Variants in MICALL1 observed in about 807,000 individuals in gnomAD.
MICALL1 encodes the protein MICAL-like protein 1.
MICALL1 carries 61 observed loss-of-function variants against 83.7 expected under a neutral mutation model. The ratio of observed to expected loss-of-function variants is 0.73; its 90% CI spans 0.59 to 0.90. The LOEUF (loss-of-function observed/expected upper bound fraction) is 0.90, where lower values mean the gene tolerates loss of function less well. Ranked by LOEUF, MICALL1 falls within the 40% of genes least tolerant of loss-of-function variation. The probability of loss-of-function intolerance (pLI) is 0.00; values close to 1 mark genes in which losing one functional copy is unlikely to be tolerated. For missense variants in MICALL1, 1,066 were observed against 1,152.0 expected (o/e 0.93, Z 1.08); for synonymous variants, 481 against 473.6 (o/e 1.02, Z -0.20).
At position 37,925,670 on chromosome 22, in the gene MICALL1, C is replaced by T. The variant is rs755697848; in HGVS notation, c.1092C>T (p.Ala364=). ...GTPKPSEGTP[A]PRKDPPWITL... ...TTCCCCCCTCCTCCAGGACACCAGC[C>T]CCCAGGAAGGACCCCCCATGGATCA... The change falls in exon 8 of 16, where the codon GCC becomes GCT. Residue 364 remains alanine (A), a synonymous_variant. Transcript: ENST00000215957. 2 of 1,605,382 alleles carry T rather than the reference C, an allele frequency of 1.2e-6. No individual in the cohort carries two copies. The highest frequency in any genetic ancestry group is 2.2e-5 in the South Asian group (2 of 90,430).
chr22:37,927,894 A>G lies in MICALL1; in HGVS notation c.1881+68A>G, dbSNP rs933819252. 26 of 1,476,422 alleles carry G rather than the reference A, an allele frequency of 1.8e-5. No individual in the cohort carries two copies. In the African/African-American group the frequency reaches 3.5e-4, roughly 20 times the overall value. 91.5% of individuals were successfully genotyped at this position (1,476,422 alleles called of 1,614,324 possible). A position where few individuals can be genotyped will look rare whatever the true frequency, so the allele number is the denominator to read the frequency against. ...GTGGATGCGGGTCTGGTCTCAGGGC[A>G]GAAATGTCCAGGGCCTTTTCTTAAT... On this transcript the variant is annotated intron_variant, in intron 9 of 15. Transcript: ENST00000215957.
At chr22:37,933,215 G>T in intron 13 of MICALL1, 103 bp downstream of exon 13, 1 of 1,207,070 alleles carries the variant, frequency 8.3e-7, no homozygotes, top group South Asian at 1.3e-5. Context: ...TGCACAGGCA[G>T]ACTGGGGACA....
At chr22:37,929,497 T>C (rs1929672372) in intron 9 of MICALL1, among the ~76,000 whole-genome samples, 2 of 152,182 alleles carry the variant, frequency 1.3e-5, no homozygotes, top group Non-Finnish European at 2.9e-5. Flanking sequence ...TTGTGTGCCA[T>C]GAGGGGTGTT....
chr22:37,930,832 G>A lies in MICALL1; in HGVS notation c.1882-967G>A, dbSNP rs1929748722. On this transcript the variant is annotated intron_variant, in intron 9 of 15. Transcript: ENST00000215957. The surrounding 1 kb of genome is among the most constrained non-coding windows in gnomAD (Gnocchi z 4.8). ...AGGTACCCTCTGACTCCATCTGCTG[G>A]TCAAACACTTCCTGGCTGGGTGACC... is the stretch of plus-strand genomic sequence containing the variant. Among the ~76,000 whole-genome samples the A allele has an allele frequency of 6.6e-6, 1 of 152,234 alleles. No homozygotes were observed. The highest frequency in any genetic ancestry group is 2.4e-5 in the African/African-American group (1 of 41,460).
chr22:37,907,552 C>G (rs1207151739), intron 1 of MICALL1: 3 of 152,286 alleles, frequency 2.0e-5, no homozygotes, highest in Non-Finnish European at 2.9e-5. Context: ...CTGGTCCCTA[C>G]CCCTTTCGCA....
chr22:37,909,703 G>A (rs189193160), intron 1 of MICALL1, among the ~76,000 whole-genome samples: 1 of 152,352 alleles, frequency 6.6e-6, no homozygotes, highest in African/African-American at 2.4e-5. Flanking sequence ...TGGAAAAAAT[G>A]TGCAGGGGAG....
At chr22:37,929,392 G>A (rs1186590916) in intron 9 of MICALL1, among the ~76,000 whole-genome samples, 2 of 152,192 alleles carry the variant, frequency 1.3e-5, no homozygotes, top group African/African-American at 4.8e-5. Context: ...GTGCTATAAT[G>A]TACATGCTGC....
In MICALL1 at chr22:37,940,784, GAAAC is replaced by G. The variant is rs1569152530; in HGVS notation, c.2551_2554del (p.Lys851ValfsTer50). ...ACCATGAAGATGTTGAAACTGCTAG[GAAAC>G]AAACGTGATGCCAAGAGCAAGTCCC... On this transcript the variant is annotated frameshift_variant, in exon 16 of 16. Transcript: ENST00000215957. LOFTEE classifies it high-confidence loss of function. 6.2e-7 allele frequency: 1 copy of G among 1,614,146 alleles called. No homozygotes were observed. The highest frequency in any genetic ancestry group is 8.5e-7 in the Non-Finnish European group (1 of 1,179,998).
At position 37,933,123 on chromosome 22, in the gene MICALL1, C is replaced by T; in HGVS notation, c.2308+11C>T. The T allele has an allele frequency of 6.2e-7, 1 of 1,612,960 alleles. No individual in the cohort carries two copies. Among genetic ancestry groups the T allele is most frequent in the Non-Finnish European group, 8.5e-7 (1 of 1,179,490 alleles). ...TCCTCAATAAGCCAGGTGAGTGCAG[C>T]CACTGGCACTCCCCTGGCACCTGCC... is the stretch of plus-strand genomic sequence containing the variant. On this transcript the variant is annotated intron_variant, in intron 13 of 15. Transcript: ENST00000215957.
Position 37,922,181 on chromosome 22 carries a change from G to C in MICALL1, c.779G>C (p.Ser260Thr). 6.2e-7 allele frequency: 1 copy of C among 1,612,878 alleles called. No homozygotes were observed. Among genetic ancestry groups the C allele is most frequent in the African/African-American group, 1.3e-5 (1 of 75,042 alleles). Residue 260 changes from serine to threonine, a missense_variant, in exon 6 of 16, where the codon AGT becomes ACT. Transcript: ENST00000215957. ...GTTCCAGGAGGCGGCCCCAGCTCCA[G>C]TGCTCCTGCAGGGGCTGAGGCCGAT... is the stretch of plus-strand genomic sequence containing the variant. The part of the protein sequence containing the change: ...KDVPGGGPSS[S>T]APAGAEADGP...
chr22:37,930,854 G>A lies in MICALL1; in HGVS notation c.1882-945G>A, dbSNP rs1262553339. ...CTGGTCAAACACTTCCTGGCTGGGT[G>A]ACCCTGGGTGAGGAACTTCACCTCT... On this transcript the variant is annotated intron_variant, in intron 9 of 15. Transcript: ENST00000215957. This position sits in a 1 kb window ranked among gnomAD's most constrained non-coding sequence, Gnocchi z 4.8. Among the ~76,000 whole-genome samples, 2 of 152,232 alleles carry A rather than the reference G, an allele frequency of 1.3e-5. No individual in the cohort carries two copies. Among genetic ancestry groups the A allele is most frequent in the East Asian group, 3.9e-4 (2 of 5,192 alleles).
Position 37,927,566 on chromosome 22 carries a change from G to T in MICALL1, c.1621G>T (p.Ala541Ser). ...PAVPKSSSEP[A>S]VHAPGTPGNP... ...TGTGCCCAAGAGCTCCTCAGAGCCTGCTGTCCATGCCCCTGGTACCCCTGG... is the reference window on the plus strand; with the variant it reads ...TGTGCCCAAGAGCTCCTCAGAGCCTTCTGTCCATGCCCCTGGTACCCCTGG... The change falls in exon 9 of 16, where the codon GCT (alanine) becomes TCT (serine). Residue 541 changes from alanine to serine, a missense_variant. Coordinates refer to ENST00000215957, the MANE Select transcript of MICALL1 (RefSeq NM_033386.4). 6.2e-7 allele frequency: 1 copy of T among 1,613,654 alleles called. No individual in the cohort carries two copies. The highest frequency in any genetic ancestry group is 1.1e-5 in the South Asian group (1 of 91,084).
intron 3 of MICALL1, among the ~76,000 whole-genome samples, chr22:37,916,559 A>G (rs1928689116): frequency 6.6e-6 from 1 of 152,144 alleles, no homozygotes; most frequent in Admixed American, 6.5e-5. Context: ...TTGACTTTTT[A>G]CCAGACTGGG....
chr22:37,938,327 G>A (rs1285443378), intron 15 of MICALL1, among the ~76,000 whole-genome samples: 2 of 151,358 alleles, frequency 1.3e-5, no homozygotes, highest in Admixed American at 6.6e-5. Flanking sequence ...GTGTGAACCC[G>A]GGAGGTGGAG....
rs117330514 is a variant in MICALL1, at chr22:37,912,108, C to T, written c.195+108C>T. ...GTCTTGCACGGTGGCTGCCCTTGTA[C>T]ACCGGCCCTGGCTGCACCTTTCCCC... is the stretch of plus-strand genomic sequence containing the variant. On this transcript the variant is annotated intron_variant, in intron 2 of 15. Transcript: ENST00000215957. 7.7e-4 allele frequency: 1,041 copies of T among 1,350,584 alleles called. 11 individuals are homozygous for T. In the East Asian group the frequency reaches 0.02, roughly 26 times the overall value. 83.7% of individuals were successfully genotyped at this position (1,350,584 alleles called of 1,614,324 possible). A position where few individuals can be genotyped will look rare whatever the true frequency, so the allele number is the denominator to read the frequency against.
intron 13 of MICALL1, among the ~76,000 whole-genome samples, chr22:37,933,899 C>A (rs1929939126): frequency 6.6e-6 from 1 of 152,194 alleles, no homozygotes. Context: ...TGGGGCTGTC[C>A]CTGCACACAC....
chr22:37,933,219 G>A (rs977401272), intron 13 of MICALL1, 107 bp downstream of exon 13: 6 of 1,167,386 alleles, frequency 5.1e-6, no homozygotes, highest in Non-Finnish European at 7.5e-6. Flanking sequence ...CAGGCAGACT[G>A]GGGACAGGGC....
chr22:37,919,116 G>C lies in MICALL1; in HGVS notation c.507G>C (p.Gln169His). 6.4e-7 allele frequency: 1 copy of C among 1,551,816 alleles called. No homozygotes were observed. Among genetic ancestry groups the C allele is most frequent in the Non-Finnish European group, 8.7e-7 (1 of 1,147,496 alleles). The change falls in exon 5 of 16, where the codon CAG (glutamine) becomes CAC (histidine). Residue 169 changes from glutamine (Q) to histidine (H), a missense_variant. Transcript: ENST00000215957. ...GCAGCACGTGCGCAGCCTGCCAGCAGCATGTGCACTTGGTGCAGCGCTACC... is the reference window on the plus strand; with the variant it reads ...GCAGCACGTGCGCAGCCTGCCAGCACCATGTGCACTTGGTGCAGCGCTACC... ...TPSSTCAACQ[Q>H]HVHLVQRYLA...
chr22:37,915,230 C>T (rs1488792543), intron 3 of MICALL1, among the ~76,000 whole-genome samples: 2 of 152,020 alleles, frequency 1.3e-5, no homozygotes, highest in Non-Finnish European at 2.9e-5. Context: ...GCAGCCTGGG[C>T]AACAGAGCGA....
Sources: allele counts gnomAD v4.1 joint callset (sites outside exome capture counted in the v4.1 genomes callset), GRCh38; gene constraint gnomAD v4.1.1; non-coding constraint Gnocchi (gnomAD v3.1); transcripts MANE v1.5; gene names NCBI Gene and HGNC (gene_info 2026-07-23, HGNC 2026-07-21).